Variants in RAD51B observed in about 807,000 individuals in gnomAD.
RAD51B encodes DNA repair protein RAD51 homolog 2.
In RAD51B, 38 loss-of-function variants were observed where a neutral mutation model predicts 42.2. The ratio of observed to expected loss-of-function variants is 0.90; its 90% CI spans 0.70 to 1.18. RAD51B has a LOEUF of 1.18. RAD51B is among the 50% of genes most tolerant of loss of function. The pLI is 0.00. For synonymous variants in RAD51B, 154 were observed against 145.2 expected (o/e 1.06, Z -0.43); for missense variants, 373 against 400.7 (o/e 0.93, Z 0.59).
At chr14:68,174,021 T>G (rs1595508757) in intron 7 of RAD51B, among the ~76,000 whole-genome samples, 1 of 152,214 alleles carries the variant, frequency 6.6e-6, no homozygotes, top group African/African-American at 2.4e-5. Flanking sequence ...ATGTTTCCAG[T>G]GTACCATCAA....
At chr14:68,152,648 A>G (rs957656809) in intron 7 of RAD51B, among the ~76,000 whole-genome samples, 1 of 152,002 alleles carries the variant, frequency 6.6e-6, no homozygotes, top group South Asian at 2.1e-4. Flanking sequence ...CAGTTTTGTT[A>G]TATAGGGAAA....
chr14:67,949,577 C>T (rs924138518), intron 7 of RAD51B, among the ~76,000 whole-genome samples: 8 of 152,114 alleles, frequency 5.3e-5, no homozygotes, highest in Non-Finnish European at 7.4e-5. Context: ...GAATCTTCTT[C>T]GCTCCTGTCA....
intron 10 of RAD51B, among the ~76,000 whole-genome samples, chr14:68,590,975 G>A (rs1026822296): frequency 2.0e-5 from 3 of 152,114 alleles, no homozygotes; most frequent in Admixed American, 6.6e-5. Flanking sequence ...AGGCAGCCAT[G>A]GACCCCTCCC....
At chr14:68,656,068 C>G (rs560942065) in intron 11 of RAD51B, among the ~76,000 whole-genome samples, 2 of 152,238 alleles carry the variant, frequency 1.3e-5, no homozygotes, top group Admixed American at 6.5e-5. Flanking sequence ...TAGCAAGGAG[C>G]AGAACACAGT....
intron 9 of RAD51B, among the ~76,000 whole-genome samples, chr14:68,414,342 A>T (rs2084494807): frequency 6.6e-6 from 1 of 152,120 alleles, no homozygotes; most frequent in Admixed American, 6.5e-5. Flanking sequence ...CTTTTTTTCC[A>T]TTTGACTTTT....
At chr14:68,536,223 C>T (rs1028807351) in intron 10 of RAD51B, among the ~76,000 whole-genome samples, 7 of 152,168 alleles carry the variant, frequency 4.6e-5, no homozygotes, top group African/African-American at 9.7e-5. Flanking sequence ...GGGTCAAAAA[C>T]CTCCTAATTG....
intron 10 of RAD51B, among the ~76,000 whole-genome samples, chr14:68,627,635 C>T (rs1892119198): frequency 6.6e-6 from 1 of 152,192 alleles, no homozygotes; most frequent in Admixed American, 6.5e-5. Flanking sequence ...TTCCCACAGC[C>T]TCTGTCTGCC....
At chr14:68,477,162 A>C (rs1021584356) in intron 10 of RAD51B, among the ~76,000 whole-genome samples, 6 of 152,270 alleles carry the variant, frequency 3.9e-5, no homozygotes, top group East Asian at 1.9e-4. Flanking sequence ...CCGCGTCCCT[A>C]TGCGAGGCCA....
intron 6 of RAD51B, chr14:67,886,717 A>C (rs1393092056): frequency 1.1e-5 from 3 of 265,982 alleles, no homozygotes; most frequent in Non-Finnish European, 2.1e-5. Flanking sequence ...CAAAATACCA[A>C]GAGGAGGGAG....
At chr14:68,574,519 A>G (rs1889872831) in intron 10 of RAD51B, among the ~76,000 whole-genome samples, 1 of 152,142 alleles carries the variant, frequency 6.6e-6, no homozygotes, top group Non-Finnish European at 1.5e-5. Flanking sequence ...TCTCTACCAA[A>G]AAGATAGCTT....
intron 9 of RAD51B, among the ~76,000 whole-genome samples, chr14:68,452,284 C>A (rs572740409): frequency 6.6e-6 from 1 of 151,976 alleles, no homozygotes; most frequent in Non-Finnish European, 1.5e-5. Flanking sequence ...CTTTAATTGG[C>A]GCTAGATTGA....
intron 7 of RAD51B, among the ~76,000 whole-genome samples, chr14:68,196,677 T>C (rs2079380092): frequency 6.6e-6 from 1 of 152,190 alleles, no homozygotes; most frequent in Non-Finnish European, 1.5e-5. Context: ...TGTATGACTT[T>C]TTTATTTAAT....
chr14:68,108,086 A>G (rs879605333), intron 7 of RAD51B, among the ~76,000 whole-genome samples: 8 of 151,914 alleles, frequency 5.3e-5, no homozygotes, highest in Admixed American at 2.6e-4. Context: ...GCTCAACAGC[A>G]TCAGTCATTG....
At chr14:67,868,050 C>T (rs2042383760) in intron 5 of RAD51B, among the ~76,000 whole-genome samples, 1 of 152,080 alleles carries the variant, frequency 6.6e-6, no homozygotes, top group South Asian at 2.1e-4. Flanking sequence ...ATACAAACTA[C>T]TTAGGTTTAA....
At chr14:67,847,326 C>CTTTTT (rs60032578) in intron 4 of RAD51B, among the ~76,000 whole-genome samples, 25 of 105,628 alleles carry the variant, frequency 2.4e-4, no homozygotes, top group East Asian at 6.6e-4. Context: ...TTGGTTTGTT[C>CTTTTT]TTTTTTTTTT....
At chr14:68,176,727 G>A (rs1039785358) in intron 7 of RAD51B, among the ~76,000 whole-genome samples, 6 of 152,114 alleles carry the variant, frequency 3.9e-5, no homozygotes, top group Non-Finnish European at 7.4e-5. Context: ...GTAAACTTTG[G>A]ATCATGTATT....
chr14:68,543,909 C>T (rs1320985418), intron 10 of RAD51B, among the ~76,000 whole-genome samples: 2 of 152,118 alleles, frequency 1.3e-5, no homozygotes, highest in East Asian at 3.8e-4. Context: ...GACAGCCTCT[C>T]AGGAAATTAG....
intron 3 of RAD51B, among the ~76,000 whole-genome samples, chr14:67,829,950 T>C (rs1051349437): frequency 1.4e-4 from 22 of 152,162 alleles, no homozygotes; most frequent in African/African-American, 5.3e-4. Context: ...AAGGAAGCAA[T>C]ACTTTAGCTA....
chr14:67,852,775 G>A (rs2041870614), intron 4 of RAD51B, among the ~76,000 whole-genome samples: 2 of 145,258 alleles, frequency 1.4e-5, no homozygotes, highest in Admixed American at 6.8e-5. Context: ...ATGCATGTGT[G>A]TATGTGTATA....
Sources: allele counts gnomAD v4.1 joint callset (sites outside exome capture counted in the v4.1 genomes callset), GRCh38; gene constraint gnomAD v4.1.1; transcripts MANE v1.5; gene names NCBI Gene and HGNC (gene_info 2026-07-23, HGNC 2026-07-21).